The following ABCB11 variants were observed in gnomAD, a reference collection of about 807,000 sequenced individuals.
ABCB11 encodes the protein bile salt export pump.
In ABCB11, 95 loss-of-function variants were observed where a neutral mutation model predicts 148.0. The observed-to-expected ratio is 0.64, with a 90% CI of 0.54 to 0.76. ABCB11 has a LOEUF of 0.76. Ranked by LOEUF, ABCB11 falls within the 30% of genes least tolerant of loss-of-function variation. ABCB11 has a pLI of 0.00. For synonymous variants in ABCB11, 591 were observed against 555.4 expected (o/e 1.06, Z -0.90); for missense variants, 1,523 against 1,617.8 (o/e 0.94, Z 1.01).
chr2:168,999,420 A>G (rs1694809848), intron 5 of ABCB11, among the ~76,000 whole-genome samples: 1 of 152,058 alleles, frequency 6.6e-6, no homozygotes, highest in Non-Finnish European at 1.5e-5. Context: ...TATAATCAAG[A>G]TCAGAACATT....
intron 24 of ABCB11, 126 bp from the exon 25 acceptor site, chr2:168,930,988 G>T: frequency 1.3e-6 from 1 of 766,476 alleles, no homozygotes; most frequent in Non-Finnish European, 2.0e-6. Flanking sequence ...AAAGTGCAAA[G>T]TATAAAGACA....
intron 5 of ABCB11, among the ~76,000 whole-genome samples, chr2:169,004,745 T>G (rs551122624): frequency 6.6e-6 from 1 of 152,298 alleles, no homozygotes; most frequent in East Asian, 1.9e-4. Flanking sequence ...TTAAAGAACC[T>G]TGCTTTTCTG....
Position 168,936,420 on chromosome 2 carries a change from T to A in ABCB11, c.2624A>T (p.Gln875Leu). 6.2e-7 allele frequency: 1 copy of A among 1,613,904 alleles called. No homozygotes were observed. The highest frequency in any genetic ancestry group is 8.5e-7 in the Non-Finnish European group (1 of 1,179,876). Reference protein sequence around the residue: ...ASQVQGAAGSQIGMIVNSFTN... With the variant: ...ASQVQGAAGSLIGMIVNSFTN... ...GAAGGAATTGACTATCATCCCGATC[T>A]GAGAGCCGGCAGCCTGCAAACCAAA... The change falls in exon 22 of 28, where the codon CAG becomes CTG. Residue 875 changes from glutamine (Q) to leucine (L), a missense_variant. Transcript: ENST00000650372.
downstream of ABCB11, among the ~76,000 whole-genome samples, chr2:168,916,525 G>A (rs143302163): frequency 3.3e-5 from 5 of 152,264 alleles, no homozygotes; most frequent in African/African-American, 1.2e-4. Flanking sequence ...TATAATGCTG[G>A]CCAGTGCTAA....
chr2:169,014,931 G>A (rs1315408065), intron 3 of ABCB11, among the ~76,000 whole-genome samples: 1 of 151,874 alleles, frequency 6.6e-6, no homozygotes, highest in Non-Finnish European at 1.5e-5. Context: ...CCTGAGTCAC[G>A]CAGTCCATGA....
In ABCB11 at chr2:168,964,256, G is replaced by T; in HGVS notation, c.2128C>A (p.Pro710Thr). Residue 710 changes from proline to threonine, a missense_variant, in exon 18 of 28, where the codon CCT becomes ACT. Physicochemically the swap from Pro to Thr is conservative, Grantham distance 38. Coordinates refer to ENST00000650372, the MANE Select transcript of ABCB11 (RefSeq NM_003742.4). Reference protein sequence around the residue: ...KSQLSYLVHEPPLAVVDHKST... With the variant: ...KSQLSYLVHETPLAVVDHKST... ...TTATGATCTACAACAGCTAATGGAGGTTCGTGCACCAGGTAAGAAAGCTGA... is the reference window on the plus strand; with the variant it reads ...TTATGATCTACAACAGCTAATGGAGTTTCGTGCACCAGGTAAGAAAGCTGA... 5 of 1,571,034 alleles carry T rather than the reference G, an allele frequency of 3.2e-6. No homozygotes were observed. The highest frequency in any genetic ancestry group is 4.3e-6 in the Non-Finnish European group (5 of 1,156,202).
chr2:168,974,470 T>C (rs772286771), intron 12 of ABCB11, among the ~76,000 whole-genome samples: 1 of 152,042 alleles, frequency 6.6e-6, no homozygotes, highest in African/African-American at 2.4e-5. Context: ...TTTGTACTGA[T>C]TATGGAAAAT....
At chr2:168,926,140 G>A (rs1460032933) in intron 26 of ABCB11, among the ~76,000 whole-genome samples, 1 of 152,146 alleles carries the variant, frequency 6.6e-6, no homozygotes, top group East Asian at 1.9e-4. Context: ...GAAGGTTAAA[G>A]GTAAAATTTG....
intron 21 of ABCB11, among the ~76,000 whole-genome samples, chr2:168,936,994 C>T (rs1691862960): frequency 6.6e-6 from 1 of 152,054 alleles, no homozygotes; most frequent in South Asian, 2.1e-4. Context: ...ACTCAAGCAG[C>T]CCTCCTGCCC....
At chr2:168,925,519 C>G (rs1462748924) in intron 26 of ABCB11, among the ~76,000 whole-genome samples, 1 of 152,182 alleles carries the variant, frequency 6.6e-6, no homozygotes, top group Non-Finnish European at 1.5e-5. Context: ...AAACCATACC[C>G]ACACTATTTT....
intron 4 of ABCB11, 67 bp downstream of exon 4, chr2:169,014,231 TAACAC>T: frequency 5.1e-4 from 733 of 1,433,776 alleles, no homozygotes; most frequent in Non-Finnish European, 6.7e-4. Flanking sequence ...ACTAAAGATT[TAACAC>T]TCCCCTCATG....
In ABCB11 at chr2:168,969,573, C is replaced by A. The variant is rs772489535; in HGVS notation, c.1810-22G>T. 3 of 1,597,422 alleles carry A rather than the reference C, an allele frequency of 1.9e-6. No homozygotes were observed. The African/African-American group carries it at 4.0e-5, about 21-fold the overall frequency. On this transcript the variant is annotated intron_variant, in intron 15 of 27. Coordinates refer to ENST00000650372, the MANE Select transcript of ABCB11 (RefSeq NM_003742.4). ...GAATCTGTAAGAATGTACAGTGCACCATTAAACAAAACTGTGAGACAGAGC... is the reference window on the plus strand; with the variant it reads ...GAATCTGTAAGAATGTACAGTGCACAATTAAACAAAACTGTGAGACAGAGC...
At chr2:169,002,924 T>C (rs1456913367) in intron 5 of ABCB11, among the ~76,000 whole-genome samples, 1 of 152,170 alleles carries the variant, frequency 6.6e-6, no homozygotes, top group Non-Finnish European at 1.5e-5. Flanking sequence ...TTTTTTTTGT[T>C]TTATAATGTA....
intron 17 of ABCB11, among the ~76,000 whole-genome samples, chr2:168,965,359 G>C (rs1159884302): frequency 6.6e-6 from 1 of 151,756 alleles, no homozygotes; most frequent in Non-Finnish European, 1.5e-5. Context: ...TAATCTTAAA[G>C]TATTTAGTGC....
chr2:168,999,436 C>T (rs1295309947), intron 5 of ABCB11, among the ~76,000 whole-genome samples: 1 of 152,022 alleles, frequency 6.6e-6, no homozygotes, highest in Non-Finnish European at 1.5e-5. Context: ...ACATTCTCAT[C>T]ATCTCAAGAC....
intron 1 of ABCB11, among the ~76,000 whole-genome samples, chr2:169,018,755 G>C (rs1292850519): frequency 6.6e-6 from 1 of 152,098 alleles, no homozygotes. Flanking sequence ...AGAATTCCAG[G>C]ATATAGACAC....
At chr2:169,024,103 T>C (rs1466517039) in intron 1 of ABCB11, among the ~76,000 whole-genome samples, 1 of 152,110 alleles carries the variant, frequency 6.6e-6, no homozygotes, top group Non-Finnish European at 1.5e-5. Context: ...GCTTAATACC[T>C]AGGTGATGGA....
intron 8 of ABCB11, 91 bp downstream of exon 8, chr2:168,993,620 G>T: frequency 8.4e-7 from 1 of 1,187,148 alleles, no homozygotes; most frequent in Non-Finnish European, 1.2e-6. Context: ...GTTGCTAACT[G>T]TACTCAGGAA....
intron 19 of ABCB11, among the ~76,000 whole-genome samples, 196 bp downstream of exon 19, chr2:168,957,768 C>A (rs529909675): frequency 6.6e-6 from 1 of 151,522 alleles, no homozygotes; most frequent in African/African-American, 2.4e-5. Context: ...GAGTGCCCTG[C>A]GAGCCCAAAT....
Sources: gnomAD v4.1 joint callset for allele counts (sites outside exome capture counted in the v4.1 genomes callset) on GRCh38, gnomAD v4.1.1 for gene constraint, MANE v1.5 for transcripts, NCBI Gene and HGNC (gene_info 2026-07-23, HGNC 2026-07-21) for gene names.